The following ZSWIM6 variants were observed in gnomAD, a reference collection of about 807,000 sequenced individuals.
The protein encoded by ZSWIM6 is zinc finger SWIM domain-containing protein 6.
Under a neutral mutation model 113.2 loss-of-function variants are expected in ZSWIM6, and 9 were observed. That is an observed-to-expected ratio of 0.08 (90% CI 0.05 to 0.14). The LOEUF (loss-of-function observed/expected upper bound fraction) is 0.14, where lower values mean the gene tolerates loss of function less well. Ranked by LOEUF, ZSWIM6 falls within the 10% of genes least tolerant of loss-of-function variation. The pLI, the probability that ZSWIM6 is intolerant of heterozygous loss-of-function variation, is 1.00. For missense variants in ZSWIM6, 1,162 were observed against 1,552.2 expected, an observed-to-expected ratio of 0.75 and a Z score of 4.22; for synonymous variants, 611 against 606.5, an observed-to-expected ratio of 1.01 and a Z score of -0.11.
chr5:61,412,575 G>A (rs1222725127), intron 1 of ZSWIM6, among the ~76,000 whole-genome samples: 3 of 152,148 alleles, frequency 2.0e-5, no homozygotes, highest in African/African-American at 7.2e-5. Flanking sequence ...CTTGGCTTGC[G>A]TTGAGATGGA....
intron 1 of ZSWIM6, chr5:61,391,706 T>C (rs1041672206): frequency 4.0e-5 from 46 of 1,142,874 alleles, no homozygotes; most frequent in Non-Finnish European, 5.7e-5. Context: ...TCCCGCATGA[T>C]GTTGGTCATG....
At chr5:61,333,553 C>T (rs1744316350) in intron 1 of ZSWIM6, among the ~76,000 whole-genome samples, 1 of 151,402 alleles carries the variant, frequency 6.6e-6, no homozygotes, top group East Asian at 2.0e-4. Flanking sequence ...GCTCCCGGGT[C>T]GCTGTGGCGT....
At chr5:61,486,403 C>A (rs74669235) in intron 2 of ZSWIM6, among the ~76,000 whole-genome samples, 1 of 144,976 alleles carries the variant, frequency 6.9e-6, no homozygotes, top group Non-Finnish European at 1.5e-5. Flanking sequence ...TGTGATATAA[C>A]GTAGGAGTGC....
chr5:61,385,855 T>A (rs1745582867), intron 1 of ZSWIM6, among the ~76,000 whole-genome samples: 1 of 152,164 alleles, frequency 6.6e-6, no homozygotes, highest in Non-Finnish European at 1.5e-5. Context: ...CCCCAGACTG[T>A]TGGTGCCTGA....
chr5:61,412,824 T>A (rs1746172608), intron 1 of ZSWIM6, among the ~76,000 whole-genome samples: 1 of 152,174 alleles, frequency 6.6e-6, no homozygotes, highest in Non-Finnish European at 1.5e-5. Context: ...GTTGAAAGTG[T>A]TTATCATTAA....
At chr5:61,336,403 G>A (rs1300916990) in intron 1 of ZSWIM6, among the ~76,000 whole-genome samples, 1 of 152,136 alleles carries the variant, frequency 6.6e-6, no homozygotes, top group African/African-American at 2.4e-5. Context: ...ATTTTCTGGC[G>A]AAGAGCTTCC....
intron 1 of ZSWIM6, among the ~76,000 whole-genome samples, chr5:61,416,014 G>A (rs1160838618): frequency 2.6e-5 from 4 of 151,404 alleles, no homozygotes; most frequent in African/African-American, 4.9e-5. Context: ...AGTGTGGATC[G>A]TAATCTAAAT....
At chr5:61,514,011 A>C (rs1017850930) in intron 4 of ZSWIM6, among the ~76,000 whole-genome samples, 2 of 152,150 alleles carry the variant, frequency 1.3e-5, no homozygotes, top group Non-Finnish European at 2.9e-5. Flanking sequence ...TAGAATATAT[A>C]GATCAATTTG....
intron 1 of ZSWIM6, among the ~76,000 whole-genome samples, chr5:61,451,753 GA>G (rs1747090593): frequency 6.6e-6 from 1 of 152,056 alleles, no homozygotes; most frequent in Admixed American, 6.6e-5. Context: ...TTGGTTTTTA[GA>G]AATTGCTATT....
rs546308345 is a variant in ZSWIM6 at position 61,471,627 on chromosome 5, G to A, written c.677-1054G>A. On this transcript the variant is annotated intron_variant, in intron 1 of 13. Coordinates refer to ENST00000252744, the MANE Select transcript of ZSWIM6 (RefSeq NM_020928.2). ...CCTGGGCCGTGGACCAGTACCAGTG[G>A]CATTAGATTCTCATAGGAGCACAAA... Among the ~76,000 whole-genome samples the A allele has an allele frequency of 4.6e-5, 7 of 152,300 alleles. No individual in the cohort carries two copies. In the South Asian group the frequency reaches 1.5e-3, roughly 32 times the overall value.
intron 1 of ZSWIM6, among the ~76,000 whole-genome samples, chr5:61,418,227 A>G (rs1746292206): frequency 1.3e-5 from 2 of 151,934 alleles, no homozygotes; most frequent in African/African-American, 2.4e-5. Context: ...ATTTTAACAC[A>G]AAGAAGGATT....
chr5:61,450,806 A>G (rs1434996942), intron 1 of ZSWIM6, among the ~76,000 whole-genome samples: 3 of 152,194 alleles, frequency 2.0e-5, no homozygotes, highest in African/African-American at 7.2e-5. Context: ...CCCGTGCTCA[A>G]TGGAGAAATA....
chr5:61,364,313 G>T (rs916457833), intron 1 of ZSWIM6, among the ~76,000 whole-genome samples: 4 of 152,160 alleles, frequency 2.6e-5, no homozygotes, highest in African/African-American at 9.7e-5. Context: ...GCATATACAT[G>T]CTTGAATTAG....
chr5:61,405,488 G>T (rs1054070035), intron 1 of ZSWIM6, among the ~76,000 whole-genome samples: 2 of 152,144 alleles, frequency 1.3e-5, no homozygotes, highest in African/African-American at 4.8e-5. Context: ...TTTATGAGGG[G>T]CTAACTCCTC....
chr5:61,488,639 G>T (rs750540957), intron 2 of ZSWIM6, among the ~76,000 whole-genome samples: 1 of 151,908 alleles, frequency 6.6e-6, no homozygotes, highest in Non-Finnish European at 1.5e-5. Flanking sequence ...GTATTTCTGT[G>T]ATATCAATTT....
At chr5:61,429,865 C>G (rs374366862) in intron 1 of ZSWIM6, among the ~76,000 whole-genome samples, 3 of 152,072 alleles carry the variant, frequency 2.0e-5, no homozygotes, top group East Asian at 3.9e-4. Context: ...GAACGGTATC[C>G]CCAGGATTTG....
chr5:61,423,854 C>T (rs992070214), intron 1 of ZSWIM6, among the ~76,000 whole-genome samples: 1 of 152,210 alleles, frequency 6.6e-6, no homozygotes, highest in Non-Finnish European at 1.5e-5. Context: ...CCCCCACTCC[C>T]CATGCAAGAA....
rs950199524 is a variant in ZSWIM6, at chr5:61,426,131, T to G, written c.677-46550T>G. ...CCTTCTCTGACATCATGAGGCAGTTTAGGCCATTGCATGATTTGCAAGGTT... is the reference window on the plus strand; with the variant it reads ...CCTTCTCTGACATCATGAGGCAGTTGAGGCCATTGCATGATTTGCAAGGTT... On this transcript the variant is annotated intron_variant, in intron 1 of 13. Transcript: ENST00000252744. 3.3e-5 allele frequency among the ~76,000 whole-genome samples: 5 copies of G among 152,322 alleles called. No individual in the cohort carries two copies. The East Asian group carries it at 7.7e-4, about 23-fold the overall frequency.
At chr5:61,438,801 T>G (rs1746764778) in intron 1 of ZSWIM6, among the ~76,000 whole-genome samples, 1 of 152,182 alleles carries the variant, frequency 6.6e-6, no homozygotes, top group South Asian at 2.1e-4. Flanking sequence ...CATAGGAGAC[T>G]GATGGGGGAC....
Sources: gnomAD v4.1 joint callset for allele counts (sites outside exome capture counted in the v4.1 genomes callset) on GRCh38, gnomAD v4.1.1 for gene constraint, MANE v1.5 for transcripts, NCBI Gene and HGNC (gene_info 2026-07-23, HGNC 2026-07-21) for gene names.